ITGA2B: variants seen among roughly 807,000 people sequenced by gnomAD.
ITGA2B encodes integrin alpha-IIb.
ITGA2B carries 91 observed loss-of-function variants against 142.0 expected under a neutral mutation model. That is an observed-to-expected ratio of 0.64 (90% confidence interval 0.54 to 0.76). The LOEUF is 0.76. ITGA2B is among the 30% of genes least tolerant of loss of function. The pLI, the probability that ITGA2B is intolerant of heterozygous loss-of-function variation, is 0.00. For missense variants in ITGA2B, 1,231 were observed against 1,350.8 expected, an observed-to-expected ratio of 0.91 and a Z score of 1.39; for synonymous variants, 536 against 567.2, an observed-to-expected ratio of 0.94 and a Z score of 0.78.
rs1488526922 is a variant in ITGA2B at position 44,372,429 on chromosome 17, G to A, written c.3061-6C>T. 1.9e-6 allele frequency: 3 copies of A among 1,613,766 alleles called. No individual in the cohort carries two copies. The African/African-American group carries it at 4.0e-5, about 22-fold the overall frequency. On this transcript the variant is annotated splice_polypyrimidine_tract_variant and splice_region_variant and intron_variant, in intron 29 of 29. Transcript: ENST00000262407. ...TTCCGCTTGAAGAAGCCGACCTGGGGGTACACGGGGGCCAAGGTCAGGGTA... is the reference window on the plus strand; with the variant it reads ...TTCCGCTTGAAGAAGCCGACCTGGGAGTACACGGGGGCCAAGGTCAGGGTA...
At position 44,374,450 on chromosome 17, in the gene ITGA2B, C is replaced by T; in HGVS notation, c.2964G>A (p.Arg988=). The T allele has an allele frequency of 6.2e-7, 1 of 1,614,150 alleles. No homozygotes were observed. Among genetic ancestry groups the T allele is most frequent in the South Asian group, 1.1e-5 (1 of 91,088 alleles). The change falls in exon 29 of 30, where the codon CGG becomes CGA. Residue 988 remains arginine, a synonymous_variant. Coordinates refer to ENST00000262407, the MANE Select transcript of ITGA2B (RefSeq NM_000419.5). ...GEAQVWTQLL[R]ALEERAIPIW... is the part of the protein sequence containing the mutation. The stretch of plus-strand genomic sequence containing the variant: ...TTGGAATGGCCCTCTCCTCCAAGGC[C>T]CGGAGCAGCTGTGTCCACACCTGGG...
chr17:44,377,594 C>T, intron 21 of ITGA2B, 104 bp downstream of exon 21: 1 of 842,908 alleles, frequency 1.2e-6, no homozygotes, highest in Non-Finnish European at 2.0e-6. Context: ...GTGTGAGGAC[C>T]AAGATTCTGG....
At chr17:44,375,511 C>G in intron 26 of ITGA2B, 80 bp downstream of exon 26, 1 of 1,560,596 alleles carries the variant, frequency 6.4e-7, no homozygotes, top group Non-Finnish European at 8.7e-7. Context: ...ACAGCACACC[C>G]GGACCCCTCT....
At position 44,378,400 on chromosome 17, in the gene ITGA2B, G is replaced by A. The variant is rs540677556; in HGVS notation, c.2056C>T (p.Gln686Ter). Residue 686 changes from glutamine (Q) to a stop codon, truncating the protein, a stop_gained, in exon 20 of 30, where the codon CAG (glutamine) becomes TAG (stop). Coordinates refer to ENST00000262407, the MANE Select transcript of ITGA2B (RefSeq NM_000419.5). LOFTEE classifies it high-confidence loss of function. ...YEAELAVHLPQGAHYMRALSN... is the reference protein window; with the variant it reads ...YEAELAVHLP ...AGGGCCCGCATGTAGTGGGCGCCCT[G>A]GGGCAGGTGCACGGCCAGCTCTGCT... 2 of 1,613,430 alleles carry A rather than the reference G, an allele frequency of 1.2e-6. No individual in the cohort carries two copies. The highest frequency in any genetic ancestry group is 2.2e-5 in the South Asian group (2 of 90,952).
Position 44,389,565 on chromosome 17 carries a change from T to C in ITGA2B, c.-92A>G. ...CACAGGAAGTCTTTTCTTATCAAAC[T>C]GGAACCCCAAGTAACTTGCTGAGCA... On this transcript the variant is annotated 5_prime_UTR_variant, in exon 1 of 30. Coordinates refer to ENST00000262407, the MANE Select transcript of ITGA2B (RefSeq NM_000419.5). 7.2e-7 allele frequency: 1 copy of C among 1,392,102 alleles called. No individual in the cohort carries two copies. Among genetic ancestry groups the C allele is most frequent in the Non-Finnish European group, 9.9e-7 (1 of 1,005,262 alleles). 86.2% of individuals were successfully genotyped at this position (1,392,102 alleles called of 1,614,324 possible).
At chr17:44,384,707 G>A in intron 7 of ITGA2B, 122 bp from the exon 8 acceptor site, 1 of 1,310,294 alleles carries the variant, frequency 7.6e-7, no homozygotes, top group Admixed American at 1.7e-5. Context: ...TGGAAAAACG[G>A]AGGCCTTCGA....
intron 22 of ITGA2B, 44 bp from the exon 23 acceptor site, chr17:44,376,432 C>G (rs189881723): frequency 1.3e-6 from 2 of 1,594,878 alleles, no homozygotes; most frequent in Admixed American, 3.3e-5. Context: ...GGGACACCAG[C>G]CCAGTGACTT....
intron 27 of ITGA2B, 115 bp downstream of exon 27, chr17:44,374,883 A>G: frequency 7.9e-7 from 1 of 1,267,506 alleles, no homozygotes; most frequent in Non-Finnish European, 1.1e-6. Context: ...CAATCCCCCA[A>G]AGTAAACCTT....
chr17:44,386,079 T>G lies in ITGA2B; in HGVS notation c.241A>C (p.Thr81Pro). ...PRTLGPSQEE[T>P]GGVFLCPWRA... ...CAGGGGCACAGGAACACGCCGCCCG[T>G]CTCCTCCTGGCTGGGGCCCAGGGTC... The change falls in exon 2 of 30, where the codon ACG becomes CCG. Residue 81 changes from threonine (T) to proline (P), a missense_variant. Around this residue, in one of 3 missense-constraint regions of ITGA2B, gnomAD observed 318 missense variants for 312.2 expected, o/e 1.02. Transcript: ENST00000262407. 2 of 1,610,250 alleles carry G rather than the reference T, an allele frequency of 1.2e-6. No homozygotes were observed. The highest frequency in any genetic ancestry group is 1.7e-5 in the Admixed American group (1 of 59,850).
rs1467320133 is a variant in ITGA2B, at chr17:44,384,605, T to G, written c.800-20A>C. 1 of 1,613,588 alleles carries G rather than the reference T, an allele frequency of 6.2e-7. No homozygotes were observed. The highest frequency in any genetic ancestry group is 2.2e-5 in the East Asian group (1 of 44,862). ...AGTACCCTGAGGACAAGGGCGCAAA[T>G]TAGTCTTTTCCAGGGGAGGAAGCAC... On this transcript the variant is annotated intron_variant, in intron 7 of 29. Transcript: ENST00000262407.
chr17:44,376,449 G>A, intron 22 of ITGA2B, 61 bp from the exon 23 acceptor site: 2 of 1,481,066 alleles, frequency 1.4e-6, no homozygotes, highest in Non-Finnish European at 1.9e-6. Flanking sequence ...ACTTTCTGGG[G>A]GTGAGGCCAG....
At chr17:44,388,955 G>A (rs1432116283) in intron 1 of ITGA2B, among the ~76,000 whole-genome samples, 10 of 151,568 alleles carry the variant, frequency 6.6e-5, no homozygotes, top group Admixed American at 1.3e-4. Flanking sequence ...ATGAGCCACC[G>A]CGCCCGGCCT....
At position 44,384,346 on chromosome 17, in the gene ITGA2B, C is replaced by A; in HGVS notation, c.856G>T (p.Val286Phe). 6.2e-7 allele frequency: 1 copy of A among 1,613,616 alleles called. No individual in the cohort carries two copies. The highest frequency in any genetic ancestry group is 8.5e-7 in the Non-Finnish European group (1 of 1,179,946). ...DGDLNTTEYV[V>F]GAPTWSWTLG... is the part of the protein sequence containing the mutation. ...GTCCAGCTCCAAGTGGGGGCACCGA[C>A]GACATATTCTGGCGATAGGGAGAGC... The change falls in exon 9 of 30, where the codon GTC (valine) becomes TTC (phenylalanine). Residue 286 changes from valine to phenylalanine, a missense_variant. Physicochemically the swap from Val to Phe is conservative, Grantham distance 50. This residue lies in a region of ITGA2B where 908 missense variants were observed against 1,021.1 expected (regional missense o/e 0.89). Coordinates refer to ENST00000262407, the MANE Select transcript of ITGA2B (RefSeq NM_000419.5).
In ITGA2B at chr17:44,381,042, G is replaced by A; in HGVS notation, c.1230C>T (p.Pro410=). The change falls in exon 13 of 30, where the codon CCC becomes CCT. Residue 410 remains proline, a synonymous_variant. Transcript: ENST00000262407. ...GGCCCCGGCCACTGGGACCCCCGTA[G>A]GGGGCAGCCACTGCAATGTCTGGAA... The part of the protein sequence containing the change: ...DGYNDIAVAA[P]YGGPSGRGQV... 3 of 1,613,516 alleles carry A rather than the reference G, an allele frequency of 1.9e-6. No individual in the cohort carries two copies. In the South Asian group the frequency reaches 3.3e-5, roughly 18 times the overall value.
intron 19 of ITGA2B, 62 bp from the exon 20 acceptor site, chr17:44,378,571 G>A: frequency 1.2e-6 from 2 of 1,604,236 alleles, no homozygotes; most frequent in Non-Finnish European, 1.7e-6. Context: ...TGGGAAAAGA[G>A]GGGACTAAGG....
rs1417890611 is a variant in ITGA2B, at chr17:44,385,336, C to G, written c.575-1G>C. 3.1e-6 allele frequency: 5 copies of G among 1,610,588 alleles called. No individual in the cohort carries two copies. The highest frequency in any genetic ancestry group is 4.2e-6 in the Non-Finnish European group (5 of 1,179,740). On this transcript the variant is annotated splice_acceptor_variant, in intron 4 of 29. Coordinates refer to ENST00000262407, the MANE Select transcript of ITGA2B (RefSeq NM_000419.5). LOFTEE classifies it high-confidence loss of function. ...GCTTCACAGTAACGCTTGTCCCAGC[C>G]TGCAGGAGACAAGGAGGAGGGGTCA...
intron 12 of ITGA2B, among the ~76,000 whole-genome samples, chr17:44,382,562 T>A (rs1428706081): frequency 6.6e-6 from 1 of 151,928 alleles, no homozygotes; most frequent in Non-Finnish European, 1.5e-5. Flanking sequence ...CAGGCTGGAG[T>A]GCAGTAGTGG....
chr17:44,383,335 A>T (rs2143475039), intron 12 of ITGA2B, among the ~76,000 whole-genome samples, 158 bp downstream of exon 12: 1 of 151,798 alleles, frequency 6.6e-6, no homozygotes, highest in East Asian at 1.9e-4. Flanking sequence ...TTAGTCTTCA[A>T]CTCTCCCATC....
chr17:44,375,546 G>C, intron 26 of ITGA2B, 45 bp downstream of exon 26: 1 of 1,606,720 alleles, frequency 6.2e-7, no homozygotes, highest in Non-Finnish European at 8.5e-7. Context: ...CCTCTGCCCC[G>C]TGGGTCCCGG....
Sources: gnomAD v4.1 joint callset for allele counts (sites outside exome capture counted in the v4.1 genomes callset) on GRCh38, gnomAD v4.1.1 for gene constraint, gnomAD v4.1.1 regional missense constraint, MANE v1.5 for transcripts, NCBI Gene and HGNC (gene_info 2026-07-23, HGNC 2026-07-21) for gene names.